NCALD: variants seen among roughly 807,000 people sequenced by gnomAD.
The protein encoded by NCALD is neurocalcin delta, also known as neurocalcin-delta.
Under a neutral mutation model 18.6 loss-of-function variants are expected in NCALD, and 10 were observed. That is an observed-to-expected ratio of 0.54 (90% CI 0.33 to 0.91). NCALD has a LOEUF of 0.91. Ranked by LOEUF, NCALD falls within the 40% of genes least tolerant of loss-of-function variation. NCALD has a pLI of 0.03. For synonymous variants in NCALD, 88 were observed against 87.4 expected, an observed-to-expected ratio of 1.01 and a Z score of -0.04; for missense variants, 184 against 247.6, an observed-to-expected ratio of 0.74 and a Z score of 1.72.
At chr8:101,938,279 A>G (rs1009340277) in intron 2 of NCALD, among the ~76,000 whole-genome samples, 1 of 152,234 alleles carries the variant, frequency 6.6e-6, no homozygotes, top group African/African-American at 2.4e-5. Flanking sequence ...ACATATTTAA[A>G]AACTCATTTT....
At chr8:101,804,547 T>C (rs1280590304) in intron 4 of NCALD, among the ~76,000 whole-genome samples, 1 of 121,074 alleles carries the variant, frequency 8.3e-6, no homozygotes, top group African/African-American at 3.7e-5. Flanking sequence ...ATAATTAATA[T>C]AATTGATTAT....
intron 2 of NCALD, among the ~76,000 whole-genome samples, chr8:101,971,088 CAA>C (rs1040113488): frequency 6.6e-6 from 1 of 151,908 alleles, no homozygotes; most frequent in Non-Finnish European, 1.5e-5. Flanking sequence ...CATCAGAAGC[CAA>C]AAAAATGCTG....
intron 1 of NCALD, among the ~76,000 whole-genome samples, chr8:101,763,781 T>C (rs966213208): frequency 2.6e-5 from 4 of 152,114 alleles, no homozygotes; most frequent in Non-Finnish European, 5.9e-5. Flanking sequence ...GCTTTTTTCT[T>C]GCCTTCAGAC....
intron 2 of NCALD, among the ~76,000 whole-genome samples, chr8:101,705,866 A>G (rs1018772675): frequency 1.4e-4 from 22 of 152,220 alleles, no homozygotes; most frequent in Non-Finnish European, 2.9e-4. Flanking sequence ...ATGAGATCCC[A>G]CTGTTCTGCC....
intron 4 of NCALD, among the ~76,000 whole-genome samples, chr8:101,869,131 A>G (rs1322265778): frequency 1.3e-5 from 2 of 152,212 alleles, no homozygotes; most frequent in Non-Finnish European, 2.9e-5. Context: ...TCCCAAAGAC[A>G]TCCACATCCT....
intron 4 of NCALD, among the ~76,000 whole-genome samples, chr8:101,831,630 C>A (rs966825880): frequency 2.0e-5 from 3 of 152,142 alleles, no homozygotes; most frequent in Non-Finnish European, 4.4e-5. Context: ...CTCCTCTTAA[C>A]CTTTCCCATG....
At chr8:101,742,256 G>A (rs1125335) in intron 1 of NCALD, among the ~76,000 whole-genome samples, 93,436 of 151,572 alleles carry the variant, frequency 0.62, 31,261 homozygotes, top group Non-Finnish European at 0.75. Flanking sequence ...GAAAGAAAAA[G>A]GAAATTCATC....
intron 2 of NCALD, among the ~76,000 whole-genome samples, chr8:101,973,390 T>C (rs545972150): frequency 9.2e-5 from 14 of 152,318 alleles, no homozygotes; most frequent in Non-Finnish European, 1.6e-4. Flanking sequence ...TCTGATGTTT[T>C]TCTATACTTA....
At chr8:101,966,803 G>A (rs1195881772) in intron 2 of NCALD, among the ~76,000 whole-genome samples, 1 of 151,996 alleles carries the variant, frequency 6.6e-6, no homozygotes, top group African/African-American at 2.4e-5. Flanking sequence ...GTGCAAGGAT[G>A]TTCATCACAG....
chr8:101,990,212 GT>G (rs1357323716), intron 2 of NCALD, among the ~76,000 whole-genome samples: 3 of 152,178 alleles, frequency 2.0e-5, no homozygotes, highest in Admixed American at 2.0e-4. Flanking sequence ...GTCTCAACCT[GT>G]AAAAAGTGCA....
At chr8:101,817,735 GA>G (rs2131173390) in intron 4 of NCALD, among the ~76,000 whole-genome samples, 1 of 152,224 alleles carries the variant, frequency 6.6e-6, no homozygotes, top group South Asian at 2.1e-4. Flanking sequence ...CATTGTTCCC[GA>G]CAGGTCAGGT....
intron 2 of NCALD, among the ~76,000 whole-genome samples, chr8:101,990,468 G>T (rs534621037): frequency 6.6e-6 from 1 of 152,296 alleles, no homozygotes; most frequent in East Asian, 1.9e-4. Context: ...ATCTCATCTT[G>T]AATTGTAGCT....
chr8:101,880,499 C>A (rs577825121), intron 4 of NCALD, among the ~76,000 whole-genome samples: 1 of 152,168 alleles, frequency 6.6e-6, no homozygotes, highest in Admixed American at 6.5e-5. Flanking sequence ...ATGGCCAGAG[C>A]GGAGGCCGAG....
At position 101,786,701 on chromosome 8, in the gene NCALD, G is replaced by T. The variant is rs138363926; in HGVS notation, c.-20+4161C>A. On this transcript the variant is annotated intron_variant, in intron 1 of 3. Coordinates refer to ENST00000220931, the MANE Select transcript of NCALD (RefSeq NM_032041.3). ...ATTCATCCTTGCATAAAAGCAATGT[G>T]CAGCCTTTGGTCTTCCTGCAGTCAC... Among the ~76,000 whole-genome samples, 1,149 of 152,262 alleles carry T rather than the reference G, an allele frequency of 7.5e-3. 8 individuals are homozygous for T. Among genetic ancestry groups the T allele is most frequent in the Middle Eastern group, 0.041 (12 of 294 alleles).
intron 3 of NCALD, among the ~76,000 whole-genome samples, chr8:101,903,358 A>C (rs1041908891): frequency 8.6e-5 from 13 of 151,796 alleles, no homozygotes; most frequent in Non-Finnish European, 1.8e-4. Flanking sequence ...CACCATGCCC[A>C]GCTAATTTTT....
intron 2 of NCALD, among the ~76,000 whole-genome samples, chr8:102,019,996 T>C (rs1037694425): frequency 1.3e-5 from 2 of 152,190 alleles, no homozygotes; most frequent in Admixed American, 1.3e-4. Flanking sequence ...TTGCCTAGTG[T>C]TGGATATTTA....
In NCALD at chr8:101,807,220, G is replaced by C. The variant is rs577403366; in HGVS notation, c.-20+79921C>G. On this transcript the variant is annotated intron_variant, in intron 4 of 6. Transcript: ENST00000311028. ...AAAAAGAGTATCAGAAAAGGTAATT[G>C]TGTAATTATAAAAGATGTCACAAAT... Among the ~76,000 whole-genome samples the C allele has an allele frequency of 2.3e-3, 353 of 152,170 alleles. 2 individuals carry two copies. Among genetic ancestry groups the C allele is most frequent in the African/African-American group, 8.4e-3 (347 of 41,538 alleles).
At chr8:101,754,391 A>C (rs556092595) in intron 1 of NCALD, among the ~76,000 whole-genome samples, 11 of 152,244 alleles carry the variant, frequency 7.2e-5, no homozygotes, top group African/African-American at 2.4e-4. Context: ...GGAACTTACA[A>C]ACAGCAGAAA....
At chr8:101,902,231 T>C (rs1817454472) in intron 3 of NCALD, among the ~76,000 whole-genome samples, 1 of 152,102 alleles carries the variant, frequency 6.6e-6, no homozygotes, top group African/African-American at 2.4e-5. Context: ...CACTGATTCT[T>C]TCCTCTGTCC....
Sources: gnomAD v4.1 joint callset for allele counts (sites outside exome capture counted in the v4.1 genomes callset) on GRCh38, gnomAD v4.1.1 for gene constraint, MANE v1.5 for transcripts, NCBI Gene and HGNC (gene_info 2026-07-23, HGNC 2026-07-21) for gene names.